The following PLEK variants were observed in gnomAD, a reference collection of about 807,000 sequenced individuals.
The protein encoded by PLEK is platelet 47 kDa protein.
In PLEK, 25 loss-of-function variants were observed where a neutral mutation model predicts 43.9. That is an observed-to-expected ratio of 0.57 (90% CI 0.41 to 0.79). The LOEUF (loss-of-function observed/expected upper bound fraction) is 0.79, where lower values mean the gene tolerates loss of function less well. Ranked by LOEUF, PLEK falls within the 30% of genes least tolerant of loss-of-function variation. The pLI is 0.00. For missense variants in PLEK, 396 were observed against 413.3 expected (o/e 0.96, Z 0.36); for synonymous variants, 152 against 144.4 (o/e 1.05, Z -0.38).
intron 1 of PLEK, among the ~76,000 whole-genome samples, chr2:68,372,070 T>A (rs59976846): frequency 0.5 from 76,724 of 152,042 alleles, 20,412 homozygotes; most frequent in East Asian, 0.76. Context: ...GGTTCTAAAG[T>A]GTTTAAAGAA....
At chr2:68,393,287 C>G in intron 7 of PLEK, 42 bp downstream of exon 7, 2 of 1,243,894 alleles carry the variant, frequency 1.6e-6, no homozygotes, top group Non-Finnish European at 2.4e-6. Flanking sequence ...ATAAATAAAT[C>G]CACTGCATTT....
chr2:68,386,578 G>A lies in PLEK; in HGVS notation c.549G>A (p.Ser183=), dbSNP rs2070171. ...NRQEGLMIAS[S]LLNEGYLQPA... ...AGGAAGGCCTCATGATTGCTTCATCGCTGCTCAATGAGGGGTATCTGCAGC... is the reference window on the plus strand; with the variant it reads ...AGGAAGGCCTCATGATTGCTTCATCACTGCTCAATGAGGGGTATCTGCAGC... The change falls in exon 5 of 9, where the codon TCG becomes TCA. Residue 183 remains serine (S), a synonymous_variant. Coordinates refer to ENST00000234313, the MANE Select transcript of PLEK (RefSeq NM_002664.3). The A allele has an allele frequency of 0.29, 468,125 of 1,612,354 alleles. 69,844 individuals carry two copies. Among genetic ancestry groups the A allele is most frequent in the Middle Eastern group, 0.32 (1,961 of 6,060 alleles).
chr2:68,380,779 C>T lies in PLEK; in HGVS notation c.255C>T (p.Phe85=), dbSNP rs200274092. ...AGGACCACTTCTTCCAGGCAGCCTT[C>T]CTGGAGGAGAGAGATGCCTGGGTTC... ...KQQDHFFQAA[F]LEERDAWVRD... Residue 85 remains phenylalanine (F), a synonymous_variant, in exon 3 of 9, where the codon TTC becomes TTT. Coordinates refer to ENST00000234313, the MANE Select transcript of PLEK (RefSeq NM_002664.3). 43 of 1,614,078 alleles carry T rather than the reference C, an allele frequency of 2.7e-5. No individual in the cohort carries two copies. In the East Asian group the frequency reaches 9.4e-4, roughly 35 times the overall value.
In PLEK at chr2:68,394,865, G is replaced by A. The variant is rs117960613; in HGVS notation, c.916+689G>A. ...ATGTGGTTTTGACATCCCAAACCCT[G>A]GTTTTGTCCTGACATTTTGGTTTGT... On this transcript the variant is annotated intron_variant, in intron 8 of 8. Transcript: ENST00000234313. Among the ~76,000 whole-genome samples, 88 of 152,252 alleles carry A rather than the reference G, an allele frequency of 5.8e-4. 1 individual carries two copies. The East Asian group carries it at 0.012, about 21-fold the overall frequency.
At chr2:68,375,301 A>C (rs1673481534) in intron 1 of PLEK, among the ~76,000 whole-genome samples, 1 of 152,198 alleles carries the variant, frequency 6.6e-6, no homozygotes, top group African/African-American at 2.4e-5. Flanking sequence ...GATGTTGAAC[A>C]CTTTTTCATA....
chr2:68,375,347 C>G (rs759888034), intron 1 of PLEK, among the ~76,000 whole-genome samples: 1 of 152,102 alleles, frequency 6.6e-6, no homozygotes, highest in African/African-American at 2.4e-5. Flanking sequence ...AGTGCCTGCT[C>G]GATACTTTTT....
chr2:68,370,048 T>C (rs1360778257), intron 1 of PLEK, among the ~76,000 whole-genome samples: 1 of 152,254 alleles, frequency 6.6e-6, no homozygotes, highest in African/African-American at 2.4e-5. Context: ...TGATGTGATT[T>C]ATGTTGTAGC....
intron 1 of PLEK, among the ~76,000 whole-genome samples, chr2:68,371,835 A>G (rs891524016): frequency 5.9e-5 from 9 of 152,086 alleles, no homozygotes; most frequent in African/African-American, 1.7e-4. Context: ...GCTGACTCAT[A>G]GAGCTCCTTT....
intron 8 of PLEK, among the ~76,000 whole-genome samples, chr2:68,394,786 C>T (rs994687435): frequency 1.3e-5 from 2 of 152,194 alleles, no homozygotes; most frequent in Admixed American, 6.5e-5. Flanking sequence ...GGAATAACCA[C>T]GTGGGTGTAG....
intron 4 of PLEK, among the ~76,000 whole-genome samples, chr2:68,385,847 C>A (rs1049313605): frequency 3.3e-5 from 5 of 152,216 alleles, no homozygotes; most frequent in Non-Finnish European, 7.3e-5. Context: ...TCGCAACTGA[C>A]TTATAGCAGA....
chr2:68,376,873 T>A (rs980721467), intron 1 of PLEK, among the ~76,000 whole-genome samples: 2 of 152,142 alleles, frequency 1.3e-5, no homozygotes, highest in African/African-American at 4.8e-5. Context: ...TCTTTCTGTT[T>A]TCTTGTTTTT....
intron 4 of PLEK, among the ~76,000 whole-genome samples, chr2:68,385,613 C>T (rs538720835): frequency 2.0e-5 from 3 of 152,282 alleles, no homozygotes; most frequent in African/African-American, 4.8e-5. Context: ...CTCCCCTGCC[C>T]CATGGGGCTG....
rs566280063 is a variant in PLEK at position 68,370,303 on chromosome 2, G to A, written c.42+4910G>A. Among the ~76,000 whole-genome samples the A allele has an allele frequency of 5.9e-5, 9 of 152,192 alleles. No homozygotes were observed. The South Asian group carries it at 1.2e-3, about 21-fold the overall frequency. On this transcript the variant is annotated intron_variant, in intron 1 of 8. Coordinates refer to ENST00000234313, the MANE Select transcript of PLEK (RefSeq NM_002664.3). ...AGAGGGGTTCTAAACACAAATATCCGATTGCCCCAACCCTCAGCCATTGGT... is the reference window on the plus strand; with the variant it reads ...AGAGGGGTTCTAAACACAAATATCCAATTGCCCCAACCCTCAGCCATTGGT...
chr2:68,377,710 C>T (rs1175669926), intron 1 of PLEK, among the ~76,000 whole-genome samples: 1 of 152,106 alleles, frequency 6.6e-6, no homozygotes, highest in Non-Finnish European at 1.5e-5. Flanking sequence ...TATTTTCTGT[C>T]ATTCTGTGGG....
rs951900966 is a variant in PLEK at position 68,396,027 on chromosome 2, C to A, written c.*211C>A. ...GCAGCCCCTCTGCCCCTATCCATGACCCCCAAGCAGATATAACAAGCTGTG... is the reference window on the plus strand; with the variant it reads ...GCAGCCCCTCTGCCCCTATCCATGAACCCCAAGCAGATATAACAAGCTGTG... On this transcript the variant is annotated 3_prime_UTR_variant, in exon 9 of 9. Transcript: ENST00000234313. 9.6e-6 allele frequency: 5 copies of A among 521,990 alleles called. No individual in the cohort carries two copies. Among genetic ancestry groups the A allele is most frequent in the Non-Finnish European group, 1.4e-5 (4 of 287,884 alleles). 32.3% of individuals were successfully genotyped at this position (521,990 alleles called of 1,614,324 possible). A position where few individuals can be genotyped will look rare whatever the true frequency, so the allele number is the denominator to read the frequency against.
At chr2:68,381,033 T>A in intron 3 of PLEK, 129 bp downstream of exon 3, 1 of 777,460 alleles carries the variant, frequency 1.3e-6, no homozygotes, top group Non-Finnish European at 2.1e-6. Context: ...TACTGGCACT[T>A]GGTGTACTAA....
chr2:68,368,718 A>G (rs2103755595), intron 1 of PLEK, among the ~76,000 whole-genome samples: 1 of 152,356 alleles, frequency 6.6e-6, no homozygotes, highest in East Asian at 1.9e-4. Flanking sequence ...AAATGAGAGA[A>G]GAGCAAATTA....
At position 68,397,321 on chromosome 2, in the gene PLEK, T is replaced by C. The variant is rs1673978968; in HGVS notation, c.*1505T>C. 2 of 152,192 alleles carry C rather than the reference T, an allele frequency of 1.3e-5. No individual in the cohort carries two copies. Among genetic ancestry groups the C allele is most frequent in the South Asian group, 2.1e-4 (1 of 4,834 alleles). 9.4% of individuals were successfully genotyped at this position (152,192 alleles called of 1,614,324 possible). ...TCAATAGCCTAGAGGTAAAGAACTG[T>C]CTTTTTCTCTGATTCTTTAATAAAT... On this transcript the variant is annotated 3_prime_UTR_variant, in exon 9 of 9. Coordinates refer to ENST00000234313, the MANE Select transcript of PLEK (RefSeq NM_002664.3).
intron 2 of PLEK, 112 bp downstream of exon 2, chr2:68,380,595 C>A (rs76694843): frequency 0.017 from 23,591 of 1,381,232 alleles, 306 homozygotes; most frequent in African/African-American, 0.044. Flanking sequence ...CTCACCACCA[C>A]CCACACCCCA....
Sources: allele counts gnomAD v4.1 joint callset (sites outside exome capture counted in the v4.1 genomes callset), GRCh38; gene constraint gnomAD v4.1.1; transcripts MANE v1.5; gene names NCBI Gene and HGNC (gene_info 2026-07-23, HGNC 2026-07-21).